Variants in TTN observed in about 807,000 individuals in gnomAD.
The protein encoded by TTN is titin.
A neutral mutation model predicts 3,223.0 loss-of-function variants in TTN; 1,525 were observed. The ratio of observed to expected loss-of-function variants is 0.47; its 90% CI spans 0.45 to 0.49. The LOEUF (loss-of-function observed/expected upper bound fraction) is 0.49. TTN is among the 20% of genes least tolerant of loss of function. The probability of loss-of-function intolerance (pLI) is 0.00; values close to 1 mark genes in which losing one functional copy is unlikely to be tolerated. For synonymous variants in TTN, 14,094 were observed against 15,161.0 expected, an observed-to-expected ratio of 0.93 and a Z score of 5.17; for missense variants, 40,786 against 43,424.0, an observed-to-expected ratio of 0.94 and a Z score of 5.40.
chr2:178,727,030 T>C lies in TTN; in HGVS notation c.20275+60A>G, dbSNP rs573294708. The C allele has an allele frequency of 9.8e-5, 133 of 1,360,900 alleles. 2 individuals carry two copies. In the Middle Eastern group the frequency reaches 1.8e-3, roughly 18 times the overall value. The allele number at this position is 1,360,900 out of a possible 1,614,324, so 84.3% of individuals were successfully genotyped here. On this transcript the variant is annotated intron_variant, in intron 69 of 362. Coordinates refer to ENST00000589042, the MANE Select transcript of TTN (RefSeq NM_001267550.2). ...ATGATAGTAAATGAATAAAGAGCTA[T>C]AATACCCAGGGGAGAAGGTGGTTTT... is the stretch of plus-strand genomic sequence containing the variant.
chr2:178,590,734 T>G lies in TTN; in HGVS notation c.60991A>C (p.Arg20331=), dbSNP rs1226541281. ...NKTPIADLKF[R]VTGLYEGNTY... is the part of the protein sequence containing the mutation. ...TTTCCTTCATAGAGTCCAGTCACTC[T>G]GAACTTCAGGTCAGCGATAGGTGTT... is the stretch of plus-strand genomic sequence containing the variant. The change falls in exon 304 of 363, where the codon AGA becomes CGA. Residue 20331 remains arginine, a synonymous_variant. Coordinates refer to ENST00000589042, the MANE Select transcript of TTN (RefSeq NM_001267550.2). 6.2e-7 allele frequency: 1 copy of G among 1,612,202 alleles called. No homozygotes were observed. Among genetic ancestry groups the G allele is most frequent in the South Asian group, 1.1e-5 (1 of 90,856 alleles).
Position 178,577,058 on chromosome 2 carries a change from C to T in TTN, c.69277G>A (p.Asp23093Asn). 3 of 1,613,376 alleles carry T rather than the reference C, an allele frequency of 1.9e-6. No individual in the cohort carries two copies. Among genetic ancestry groups the T allele is most frequent in the Non-Finnish European group, 2.5e-6 (3 of 1,179,554 alleles). Residue 23093 changes from aspartate to asparagine, a missense_variant, in exon 324 of 363, where the codon GAT (aspartate) becomes AAT (asparagine). Transcript: ENST00000589042. The part of the protein sequence containing the change: ...SRLLWTVVSE[D>N]IQSCRHVATK... The stretch of plus-strand genomic sequence containing the variant: ...GCCACATGCCTGCAAGACTGAATAT[C>T]TTCAGAAACCACTGTCCACAAAAGT...
chr2:178,589,474 C>T lies in TTN; in HGVS notation c.62251G>A (p.Glu20751Lys), dbSNP rs926520394. The T allele has an allele frequency of 1.2e-6, 2 of 1,613,386 alleles. No homozygotes were observed. Among genetic ancestry groups the T allele is most frequent in the South Asian group, 2.2e-5 (2 of 91,076 alleles). Residue 20751 changes from glutamate to lysine, a missense_variant, in exon 304 of 363, where the codon GAA becomes AAA. Physicochemically the swap from Glu to Lys is moderately conservative, Grantham distance 56 (BLOSUM62 1). Coordinates refer to ENST00000589042, the MANE Select transcript of TTN (RefSeq NM_001267550.2). ...FRVQTKNEGG[E>K]SDWVKTEEVV... is the part of the protein sequence containing the mutation. Reference sequence around the variant, plus strand: ...TCCTCTGTCTTCACCCAGTCACTTTCCCCACCTTCATTCTTTGTTTGCACT... The same window carrying T: ...TCCTCTGTCTTCACCCAGTCACTTTTCCCACCTTCATTCTTTGTTTGCACT...
intron 91 of TTN, 41 bp downstream of exon 91, chr2:178,714,251 T>C (rs780484497): frequency 5.6e-6 from 9 of 1,600,302 alleles, no homozygotes; most frequent in Non-Finnish European, 7.7e-6. Flanking sequence ...TCCTGGTGAG[T>C]GTGTGCCTTG....
chr2:178,562,523 A>C lies in TTN; in HGVS notation c.83609T>G (p.Val27870Gly). 1 of 1,610,988 alleles carries C rather than the reference A, an allele frequency of 6.2e-7. No individual in the cohort carries two copies. The highest frequency in any genetic ancestry group is 8.5e-7 in the Non-Finnish European group (1 of 1,179,034). ...ATTACGGGTCACATCAACAAGAGTTACTCTTCCAGGTGGGAGGGGTGGTTC... is the reference window on the plus strand; with the variant it reads ...ATTACGGGTCACATCAACAAGAGTTCCTCTTCCAGGTGGGAGGGGTGGTTC... ...VSEPPLPPGRVTLVDVTRNTA... is the reference protein window; with the variant it reads ...VSEPPLPPGRGTLVDVTRNTA... Residue 27870 changes from valine to glycine, a missense_variant, in exon 326 of 363, where the codon GTA becomes GGA. By Grantham distance (109) the Val-to-Gly change is moderately radical. Transcript: ENST00000589042.
Position 178,710,654 on chromosome 2 carries a change from T to C in TTN, c.28443A>G (p.Thr9481=). ...AVNEVGKDSC[T]AQLNIKERLI... ...CGATACCTTTTATATTCAGCTGAGC[T>C]GTGCAAGAGTCTTTTCCCACTTCAT... Residue 9481 remains threonine, a synonymous_variant, in exon 98 of 363, where the codon ACA becomes ACG. Coordinates refer to ENST00000589042, the MANE Select transcript of TTN (RefSeq NM_001267550.2). 1 of 1,610,066 alleles carries C rather than the reference T, an allele frequency of 6.2e-7. No homozygotes were observed. The highest frequency in any genetic ancestry group is 8.5e-7 in the Non-Finnish European group (1 of 1,177,732).
In TTN at chr2:178,776,708, G is replaced by A; in HGVS notation, c.5156C>T (p.Pro1719Leu). Reference protein sequence around the residue: ...LTSLRLKRFGPAHFECRLTPI... With the variant: ...LTSLRLKRFGLAHFECRLTPI... ...TGTTAGCCTGCATTCAAAGTGGGCAGGCCCAAAGCGCTTAAGTCTTAAGGA... is the reference window on the plus strand; with the variant it reads ...TGTTAGCCTGCATTCAAAGTGGGCAAGCCCAAAGCGCTTAAGTCTTAAGGA... Residue 1719 changes from proline (P) to leucine (L), a missense_variant, in exon 28 of 363, where the codon CCT (proline) becomes CTT (leucine). By Grantham distance (98) the Pro-to-Leu change is moderately conservative. Transcript: ENST00000589042. The A allele has an allele frequency of 6.2e-7, 1 of 1,614,100 alleles. No homozygotes were observed. Among genetic ancestry groups the A allele is most frequent in the Non-Finnish European group, 8.5e-7 (1 of 1,180,004 alleles).
At chr2:178,556,591 A>C in intron 330 of TTN, 1 of 495,150 alleles carries the variant, frequency 2.0e-6, no homozygotes, top group Non-Finnish European at 3.5e-6. Context: ...CAACTCATAC[A>C]ATCAATCATA....
rs1347649738 is a variant in TTN, at chr2:178,566,113, A to G, written c.80019T>C (p.Ser26673=). Residue 26673 remains serine (S), a synonymous_variant, in exon 326 of 363, where the codon TCT becomes TCC. Coordinates refer to ENST00000589042, the MANE Select transcript of TTN (RefSeq NM_001267550.2). ...LKLENSSGSK[S]AFVTVKVLDT... is the part of the protein sequence containing the mutation. ...CAAGAACTTTCACAGTTACAAAAGCAGACTTTGATCCACTGCTGTTTTCCA... is the reference window on the plus strand; with the variant it reads ...CAAGAACTTTCACAGTTACAAAAGCGGACTTTGATCCACTGCTGTTTTCCA... The G allele has an allele frequency of 6.2e-7, 1 of 1,613,656 alleles. No homozygotes were observed. The highest frequency in any genetic ancestry group is 1.7e-5 in the Admixed American group (1 of 59,988).
In TTN at chr2:178,530,047, T is replaced by C. The variant is rs1423470146; in HGVS notation, c.106444A>G (p.Thr35482Ala). The C allele has an allele frequency of 6.2e-7, 1 of 1,611,742 alleles. No homozygotes were observed. Among genetic ancestry groups the C allele is most frequent in the South Asian group, 1.1e-5 (1 of 90,278 alleles). The change falls in exon 359 of 363, where the codon ACT becomes GCT. Residue 35482 changes from threonine to alanine, a missense_variant. Transcript: ENST00000589042. ...TAAAGTCCACTGTCAGAAGTATCAG[T>C]CTTATGAATTTCTAAGAAGAACCCT... The part of the protein sequence containing the change: ...KGGFFLEIHK[T>A]DTSDSGLYTC...
Position 178,657,553 on chromosome 2 carries a change from A to T in TTN, c.37983T>A (p.Leu12661=). The change falls in exon 189 of 363, where the codon CTT becomes CTA. Residue 12661 remains leucine (L), a synonymous_variant. Coordinates refer to ENST00000589042, the MANE Select transcript of TTN (RefSeq NM_001267550.2). ...TVPEAPKEVV[L]EKKVPSTPPK... is the part of the protein sequence containing the mutation. ...GAGGAGTCGAGGGCACTTTCTTTTC[A>T]AGGACAACTTCTTTGGGAGCCTCTG... 1 of 1,579,260 alleles carries T rather than the reference A, an allele frequency of 6.3e-7. No homozygotes were observed. The highest frequency in any genetic ancestry group is 8.6e-7 in the Non-Finnish European group (1 of 1,167,214).
chr2:178,726,178 T>C, intron 69 of TTN, 132 bp from the exon 70 acceptor site: 1 of 1,080,686 alleles, frequency 9.3e-7, no homozygotes, highest in Non-Finnish European at 1.2e-6. Context: ...ACTAACACTC[T>C]CATGGGATAA....
chr2:178,677,680 AATTCTTCTTCCTCAGGTACAT>A lies in TTN; in HGVS notation c.34211_34231del (p.Tyr11404_Glu11410del). 1 of 1,612,418 alleles carries A rather than the reference AATTCTTCTTCCTCAGGTACAT, an allele frequency of 6.2e-7. No homozygotes were observed. Among genetic ancestry groups the A allele is most frequent in the South Asian group, 1.1e-5 (1 of 90,984 alleles). Reference sequence around the variant, plus strand: ...TGGAAGGACTTCTTCTTCAGGTACAAATTCTTCTTCCTCAGGTACATATTCTTCTTCGGGAGGAACTTCCTC... The same window carrying A: ...TGGAAGGACTTCTTCTTCAGGTACAAATTCTTCTTCGGGAGGAACTTCCTC... On this transcript the variant is annotated inframe_deletion, in exon 146 of 363. Coordinates refer to ENST00000589042, the MANE Select transcript of TTN (RefSeq NM_001267550.2).
Position 178,607,552 on chromosome 2 carries a change from C to T in TTN, c.53136G>A (p.Glu17712=). The T allele has an allele frequency of 6.2e-7, 1 of 1,613,144 alleles. No individual in the cohort carries two copies. The highest frequency in any genetic ancestry group is 8.5e-7 in the Non-Finnish European group (1 of 1,179,350). ...PTKVWTKEEG[E]LDKDRVVIDN... is the part of the protein sequence containing the mutation. The stretch of plus-strand genomic sequence containing the variant: ...CTATTACAACACGGTCTTTATCCAG[C>T]TCCCCTTCTTCTTTGGTCCATACTT... The change falls in exon 277 of 363, where the codon GAG becomes GAA. Residue 17712 remains glutamate (E), a synonymous_variant. Transcript: ENST00000589042.
intron 359 of TTN, among the ~76,000 whole-genome samples, chr2:178,529,489 T>A (rs1026048013): frequency 6.6e-6 from 1 of 152,186 alleles, no homozygotes; most frequent in African/African-American, 2.4e-5. Flanking sequence ...GTCAACGGAT[T>A]TAGGAGATAA....
In TTN at chr2:178,621,158, C is replaced by T. The variant is rs1175658292; in HGVS notation, c.45560G>A (p.Gly15187Asp). 1 of 1,612,640 alleles carries T rather than the reference C, an allele frequency of 6.2e-7. No individual in the cohort carries two copies. Among genetic ancestry groups the T allele is most frequent in the East Asian group, 2.2e-5 (1 of 44,610 alleles). ...VVKDATLQDM[G>D]TYVVMVGAAR... ...GGCCCCTACCATGACAACGTAAGTG[C>T]CCATATCTTGTAATGTGGCATCTTT... Residue 15187 changes from glycine (G) to aspartate (D), a missense_variant, in exon 246 of 363, where the codon GGC becomes GAC. Physicochemically the swap from Gly to Asp is moderately conservative, Grantham distance 94. Coordinates refer to ENST00000589042, the MANE Select transcript of TTN (RefSeq NM_001267550.2).
At position 178,719,597 on chromosome 2, in the gene TTN, G is replaced by T. The variant is rs1363515138; in HGVS notation, c.23895C>A (p.Asn7965Lys). The change falls in exon 82 of 363, where the codon AAC (asparagine) becomes AAA (lysine). Residue 7965 changes from asparagine (N) to lysine (K), a missense_variant. By Grantham distance (94) the Asn-to-Lys change is moderately conservative. Transcript: ENST00000589042. Reference sequence around the variant, plus strand: ...CAGTGCAGTTACTTTTGCCAACACTGTTTTTCACTTCAAAGCTATATAATC... The same window carrying T: ...CAGTGCAGTTACTTTTGCCAACACTTTTTTTCACTTCAAAGCTATATAATC... ...DKGLYSFEVKNSVGKSNCTVS... is the reference protein window; with the variant it reads ...DKGLYSFEVKKSVGKSNCTVS... 1.2e-6 allele frequency: 2 copies of T among 1,612,410 alleles called. No individual in the cohort carries two copies. The highest frequency in any genetic ancestry group is 1.7e-6 in the Non-Finnish European group (2 of 1,178,718).
chr2:178,697,214 A>G, intron 112 of TTN, 46 bp from the exon 113 acceptor site: 1 of 1,422,008 alleles, frequency 7.0e-7, no homozygotes, highest in Middle Eastern at 2.3e-4. Context: ...TTTAGATTAC[A>G]TTATTATTAA....
Position 178,675,716 on chromosome 2 carries a change from C to G in TTN, c.34492G>C (p.Val11498Leu). 7.0e-7 allele frequency: 1 copy of G among 1,429,308 alleles called. No homozygotes were observed. Among genetic ancestry groups the G allele is most frequent in the Non-Finnish European group, 9.1e-7 (1 of 1,100,726 alleles). The allele number at this position is 1,429,308 out of a possible 1,614,324, so 88.5% of individuals were successfully genotyped here. ...VPKKPEPEKK[V>L]PPPGLKKAVA... ...GCTTTCTTAAGACCAGGAGGAGGGA[C>G]CTTCTTTTCTGGCTCAGGTTTCTTA... The change falls in exon 149 of 363, where the codon GTC becomes CTC. Residue 11498 changes from valine to leucine, a missense_variant. Coordinates refer to ENST00000589042, the MANE Select transcript of TTN (RefSeq NM_001267550.2).
Sources: allele counts gnomAD v4.1 joint callset (sites outside exome capture counted in the v4.1 genomes callset), GRCh38; gene constraint gnomAD v4.1.1; transcripts MANE v1.5; gene names NCBI Gene and HGNC (gene_info 2026-07-23, HGNC 2026-07-21).